The following OXNAD1 variants were observed in gnomAD, a reference collection of about 807,000 sequenced individuals.
OXNAD1 encodes the protein oxidoreductase NAD-binding domain-containing protein 1.
Under a neutral mutation model 32.9 loss-of-function variants are expected in OXNAD1, and 34 were observed. That is an observed-to-expected ratio of 1.03 (90% confidence interval 0.79 to 1.38). The LOEUF (loss-of-function observed/expected upper bound fraction) is 1.38. OXNAD1 is among the 40% of genes most tolerant of loss of function. The pLI is 0.00. For synonymous variants in OXNAD1, 134 were observed against 135.2 expected, an observed-to-expected ratio of 0.99 and a Z score of 0.06; for missense variants, 407 against 379.4, an observed-to-expected ratio of 1.07 and a Z score of -0.60.
At chr3:16,269,521 T>A (rs1287081727) in intron 2 of OXNAD1, among the ~76,000 whole-genome samples, 2 of 152,242 alleles carry the variant, frequency 1.3e-5, no homozygotes, top group African/African-American at 4.8e-5. Flanking sequence ...TTAATATGAT[T>A]TGGGTATAAC....
In OXNAD1 at chr3:16,348,977, A is replaced by T. The variant is rs554242676; in HGVS notation, c.*31-199A>T. On this transcript the variant is annotated intron_variant, in intron 9 of 9. Coordinates refer to the OXNAD1 transcript ENST00000606098. The surrounding 1 kb of genome is among the most constrained non-coding windows in gnomAD (Gnocchi z 6.3). Reference sequence around the variant, plus strand: ...GCTAAAAGAGGTAAAAGAGGGACAGACAGCCATCCCAGGCTCCACTATCCA... The same window carrying T: ...GCTAAAAGAGGTAAAAGAGGGACAGTCAGCCATCCCAGGCTCCACTATCCA... Among the ~76,000 whole-genome samples, 2 of 152,210 alleles carry T rather than the reference A, an allele frequency of 1.3e-5. No homozygotes were observed. Among genetic ancestry groups the T allele is most frequent in the Non-Finnish European group, 1.5e-5 (1 of 68,034 alleles).
rs933233376 is a variant in OXNAD1 at position 16,315,179 on chromosome 3, A to C, written c.*30+11587A>C. 3.9e-5 allele frequency among the ~76,000 whole-genome samples: 6 copies of C among 152,292 alleles called. No homozygotes were observed. In the South Asian group the frequency reaches 1.0e-3, roughly 26 times the overall value. On this transcript the variant is annotated intron_variant, in intron 9 of 9. Transcript: ENST00000435829. Reference sequence around the variant, plus strand: ...TGCCCAGACTGGAGTGCAGTGGTGCAGTCTCGGCTCACTGCAATCTCTGCC... The same window carrying C: ...TGCCCAGACTGGAGTGCAGTGGTGCCGTCTCGGCTCACTGCAATCTCTGCC...
At chr3:16,294,672 T>G (rs2066649837) in intron 5 of OXNAD1, among the ~76,000 whole-genome samples, 184 bp from the exon 6 acceptor site, 2 of 152,228 alleles carry the variant, frequency 1.3e-5, no homozygotes, top group African/African-American at 4.8e-5. Flanking sequence ...TTTTGGCATA[T>G]AGTTGTTCAT....
chr3:16,273,391 T>G (rs2065095381), intron 4 of OXNAD1, among the ~76,000 whole-genome samples: 1 of 148,606 alleles, frequency 6.7e-6, no homozygotes, highest in Non-Finnish European at 1.5e-5. Context: ...CTTGTTTTTT[T>G]TTTTTTTTTT....
At position 16,294,980 on chromosome 3, in the gene OXNAD1, C is replaced by T. The variant is rs1292941804; in HGVS notation, c.415C>T (p.Leu139Phe). The change falls in exon 6 of 9, where the codon CTC becomes TTC. Residue 139 changes from leucine to phenylalanine, a missense_variant. By Grantham distance (22) the Leu-to-Phe change is conservative (BLOSUM62 0). Coordinates refer to ENST00000285083, the MANE Select transcript of OXNAD1 (RefSeq NM_138381.5). ...AVKYTNHPPA[L>F]WVHNTCTLDC... ...GAAATATACGAACCACCCTCCTGCC[C>T]TCTGGGTTCACAATACGGTAAGCAC... 4 of 1,612,114 alleles carry T rather than the reference C, an allele frequency of 2.5e-6. No individual in the cohort carries two copies. The highest frequency in any genetic ancestry group is 1.7e-6 in the Non-Finnish European group (2 of 1,179,110).
rs1575109543 is a variant in OXNAD1, at chr3:16,289,857, C to T, written c.290+3409C>T. On this transcript the variant is annotated intron_variant, in intron 5 of 8. Transcript: ENST00000285083. The surrounding 1 kb of genome is among the most constrained non-coding windows in gnomAD (Gnocchi z 4.9). ...ACGCTAAGCAGATTTTATCATTGCC[C>T]ATTTAATTGTATGTATTTGTTAATT... Among the ~76,000 whole-genome samples, 1 of 152,168 alleles carries T rather than the reference C, an allele frequency of 6.6e-6. No homozygotes were observed. The highest frequency in any genetic ancestry group is 1.5e-5 in the Non-Finnish European group (1 of 68,034).
chr3:16,307,692 CAAGAG>C (rs1403445593), downstream of OXNAD1, among the ~76,000 whole-genome samples: 4 of 152,100 alleles, frequency 2.6e-5, no homozygotes, highest in Non-Finnish European at 5.9e-5. Context: ...GAAGTGGGGT[CAAGAG>C]AACATTTATT....
At chr3:16,323,311 C>T (rs1219205428) in intron 9 of OXNAD1, 15 of 1,246,056 alleles carry the variant, frequency 1.2e-5, no homozygotes, top group African/African-American at 7.6e-5. Context: ...TCAAATGCTG[C>T]AGAAAATCCA....
chr3:16,303,764 A>AT lies in OXNAD1; in HGVS notation c.*208dup, dbSNP rs373259612. The AT allele has an allele frequency of 1.1e-5, 5 of 461,798 alleles. No homozygotes were observed. The highest frequency in any genetic ancestry group is 3.9e-5 in the African/African-American group (2 of 50,654). The allele number at this position is 461,798 out of a possible 1,614,324, so 28.6% of individuals were successfully genotyped here. A position where few individuals can be genotyped will look rare whatever the true frequency, so the allele number is the denominator to read the frequency against. The stretch of plus-strand genomic sequence containing the variant: ...TTGCAAAGACCTCAGTGATCAAACT[A>AT]TTTTTTACTATACTGATTTTCTGTT... On this transcript the variant is annotated 3_prime_UTR_variant, in exon 9 of 9. Coordinates refer to ENST00000285083, the MANE Select transcript of OXNAD1 (RefSeq NM_138381.5). This position sits in a 1 kb window ranked among gnomAD's most constrained non-coding sequence, Gnocchi z 4.8.
In OXNAD1 at chr3:16,270,947, A is replaced by T. The variant is rs1257583617; in HGVS notation, c.-6A>T. 1 of 1,613,604 alleles carries T rather than the reference A, an allele frequency of 6.2e-7. No individual in the cohort carries two copies. The highest frequency in any genetic ancestry group is 1.7e-5 in the Admixed American group (1 of 59,840). The stretch of plus-strand genomic sequence containing the variant: ...ATTTCAGTTTTCTGTTTGCCCAGAA[A>T]GCGCCATGGCCTGTGCTGCTGTTAT... On this transcript the variant is annotated splice_region_variant and 5_prime_UTR_variant, in exon 3 of 9. The change creates a new upstream start codon in the 5' untranslated region. Coordinates refer to ENST00000285083, the MANE Select transcript of OXNAD1 (RefSeq NM_138381.5).
In OXNAD1 at chr3:16,321,156, T is replaced by G. The variant is rs1575239474; in HGVS notation, c.*31-15956T>G. ...CTAGATAGGGTGGCGGTTGGCCAGG[T>G]GGGCGAGGTATGGGGAGGGGGACAG... On this transcript the variant is annotated intron_variant, in intron 9 of 9. Coordinates refer to the OXNAD1 transcript ENST00000435829. The surrounding 1 kb of genome is among the most constrained non-coding windows in gnomAD (Gnocchi z 4.8). Among the ~76,000 whole-genome samples, 1 of 151,476 alleles carries G rather than the reference T, an allele frequency of 6.6e-6. No individual in the cohort carries two copies. Among genetic ancestry groups the G allele is most frequent in the Non-Finnish European group, 1.5e-5 (1 of 67,868 alleles).
chr3:16,276,819 T>C (rs2125004183), intron 4 of OXNAD1, among the ~76,000 whole-genome samples: 1 of 152,260 alleles, frequency 6.6e-6, no homozygotes, highest in Non-Finnish European at 1.5e-5. Context: ...TTGAGAATTT[T>C]AGTGCCCACA....
chr3:16,306,373 A>G (rs2067560591), downstream of OXNAD1, among the ~76,000 whole-genome samples: 1 of 152,096 alleles, frequency 6.6e-6, no homozygotes, highest in Non-Finnish European at 1.5e-5. Context: ...GTATCGTGTC[A>G]CTTCTAAATT....
chr3:16,323,592 T>A (rs532254626), intron 9 of OXNAD1: 4 of 603,212 alleles, frequency 6.6e-6, no homozygotes, highest in Non-Finnish European at 1.1e-5. Context: ...AGACGCCTGC[T>A]CTACTCTTCC....
intron 2 of OXNAD1, among the ~76,000 whole-genome samples, chr3:16,269,802 G>T (rs181779403): frequency 3.9e-5 from 6 of 152,200 alleles, no homozygotes; most frequent in Non-Finnish European, 7.4e-5. Flanking sequence ...TTTATATACT[G>T]CCTCCCAAAA....
chr3:16,328,455 GC>G (rs2069957146), intron 9 of OXNAD1, among the ~76,000 whole-genome samples: 1 of 152,222 alleles, frequency 6.6e-6, no homozygotes, highest in African/African-American at 2.4e-5. Flanking sequence ...CAACCTACCT[GC>G]CCTGTCTCTT....
rs1184631492 is a variant in OXNAD1, at chr3:16,302,748, G to A, written c.784G>A (p.Glu262Lys). 6 of 1,602,042 alleles carry A rather than the reference G, an allele frequency of 3.7e-6. No individual in the cohort carries two copies. The highest frequency in any genetic ancestry group is 2.2e-5 in the South Asian group (2 of 90,550). Residue 262 changes from glutamate to lysine, a missense_variant and splice_region_variant, in exon 8 of 9, where the codon GAA becomes AAA. Glu to Lys is a moderately conservative substitution (Grantham distance 56, BLOSUM62 1). Transcript: ENST00000285083. This position sits in a 1 kb window ranked among gnomAD's most constrained non-coding sequence, Gnocchi z 4.2. ...INAELKPYIT[E>K]GRITEKEIRD... ...TGCGGAACTCAAGCCATACATCACG[G>A]GTGAGTCCCCTAAAGATATTTTGAC...
At chr3:16,300,466 G>A (rs1053772435) in intron 6 of OXNAD1, among the ~76,000 whole-genome samples, 1 of 151,962 alleles carries the variant, frequency 6.6e-6, no homozygotes, top group African/African-American at 2.4e-5. Flanking sequence ...AACATGCTTG[G>A]TTAAGTTCTG....
intron 4 of OXNAD1, among the ~76,000 whole-genome samples, chr3:16,285,673 A>G (rs1322169271): frequency 6.6e-6 from 1 of 152,232 alleles, no homozygotes; most frequent in Non-Finnish European, 1.5e-5. Flanking sequence ...TTCTCAAATT[A>G]TCTGTAGGGA....
Sources: gnomAD v4.1 joint callset for allele counts (sites outside exome capture counted in the v4.1 genomes callset) on GRCh38, gnomAD v4.1.1 for gene constraint, Gnocchi (gnomAD v3.1) non-coding constraint, MANE v1.5 for transcripts, NCBI Gene and HGNC (gene_info 2026-07-23, HGNC 2026-07-21) for gene names.